Variants in KCNC1 observed in about 807,000 individuals in gnomAD.
KCNC1 encodes the protein potassium voltage-gated channel subfamily C member 1.
KCNC1 carries 8 observed loss-of-function variants against 43.4 expected under a neutral mutation model. That is an observed-to-expected ratio of 0.18 (90% CI 0.11 to 0.33). The LOEUF (loss-of-function observed/expected upper bound fraction) is 0.33. Among genes scored for constraint, KCNC1 ranks in the 10% least tolerant of loss-of-function variants. The pLI, the probability that KCNC1 is intolerant of heterozygous loss-of-function variation, is 1.00. For synonymous variants in KCNC1, 361 were observed against 360.5 expected, an observed-to-expected ratio of 1.00 and a Z score of -0.01; for missense variants, 420 against 836.0, an observed-to-expected ratio of 0.50 and a Z score of 6.14.
At chr11:17,759,037 A>C (rs957410228) in intron 1 of KCNC1, among the ~76,000 whole-genome samples, 1 of 152,262 alleles carries the variant, frequency 6.6e-6, no homozygotes, top group South Asian at 2.1e-4. Context: ...AGGCCGTTTA[A>C]TCTGCATTGA....
chr11:17,771,552 GGGGGCCTGGTGCT>G lies in KCNC1; in HGVS notation c.571-110_571-98del. 1.1e-6 allele frequency: 1 copy of G among 890,788 alleles called. No homozygotes were observed. The highest frequency in any genetic ancestry group is 1.7e-6 in the Non-Finnish European group (1 of 572,724). The allele number at this position is 890,788 out of a possible 1,614,324, so 55.2% of individuals were successfully genotyped here. On this transcript the variant is annotated intron_variant, in intron 1 of 3. Coordinates refer to ENST00000265969, the MANE Select transcript of KCNC1 (RefSeq NM_001112741.2). This position sits in a 1 kb window ranked among gnomAD's most constrained non-coding sequence, Gnocchi z 4.7. ...GGAGGGAAATGTAGCACGTGCTGCA[GGGGGCCTGGTGCT>G]GGCATCTCCCCCCGCCTGGCCCTGG... is the stretch of plus-strand genomic sequence containing the variant.
rs72869609 is a variant in KCNC1, at chr11:17,746,014, A to T, written c.570+9442A>T. Among the ~76,000 whole-genome samples, 466 of 152,332 alleles carry T rather than the reference A, an allele frequency of 3.1e-3. 2 individuals carry two copies. The highest frequency in any genetic ancestry group is 3.5e-3 in the Non-Finnish European group (236 of 68,032). On this transcript the variant is annotated intron_variant, in intron 1 of 3. Coordinates refer to ENST00000265969, the MANE Select transcript of KCNC1 (RefSeq NM_001112741.2). ...CAATTGCTCTGTCTCTAGAAGCTAG[A>T]GTAGGGCCTGGTACATAGTGGGTGC...
In KCNC1 at chr11:17,771,973, G is replaced by A. The variant is rs780487016; in HGVS notation, c.879G>A (p.Val293=). 2.5e-6 allele frequency: 4 copies of A among 1,614,210 alleles called. No individual in the cohort carries two copies. Among genetic ancestry groups the A allele is most frequent in the East Asian group, 2.2e-5 (1 of 44,890 alleles). ...FVAILPFYLE[V]GLSGLSSKAA... is the part of the protein sequence containing the mutation. ...CCATCCTGCCCTTCTACCTGGAGGT[G>A]GGGCTGAGCGGCCTGTCCTCCAAGG... Residue 293 remains valine (V), a synonymous_variant, in exon 2 of 4, where the codon GTG becomes GTA. Transcript: ENST00000265969. This position sits in a 1 kb window ranked among gnomAD's most constrained non-coding sequence, Gnocchi z 4.7.
chr11:17,740,034 A>T (rs1005295497), intron 1 of KCNC1, among the ~76,000 whole-genome samples: 4 of 152,152 alleles, frequency 2.6e-5, no homozygotes, highest in African/African-American at 9.7e-5. Context: ...GGCCACTGTC[A>T]GTGTGTGGGA....
intron 1 of KCNC1, among the ~76,000 whole-genome samples, chr11:17,755,354 A>G (rs73424004): frequency 0.17 from 26,301 of 152,036 alleles, 2,423 homozygotes; most frequent in African/African-American, 0.23. Flanking sequence ...CTGAGCAGAG[A>G]AATGACACAG....
chr11:17,746,271 C>T (rs1361642740), intron 1 of KCNC1, among the ~76,000 whole-genome samples: 1 of 152,238 alleles, frequency 6.6e-6, no homozygotes. Flanking sequence ...CTGCTGGTGT[C>T]ACCACCCAGG....
intron 1 of KCNC1, among the ~76,000 whole-genome samples, chr11:17,741,451 C>T (rs926424508): frequency 6.6e-6 from 1 of 152,094 alleles, no homozygotes; most frequent in African/African-American, 2.4e-5. Flanking sequence ...CATTTCCCCT[C>T]CTGTAGACTC....
In KCNC1 at chr11:17,782,509, A is replaced by T. The variant is rs187889439; in HGVS notation, c.*775A>T. 1.3e-5 allele frequency: 2 copies of T among 152,234 alleles called. No homozygotes were observed. The highest frequency in any genetic ancestry group is 2.9e-5 in the Non-Finnish European group (2 of 68,016). 9.4% of individuals were successfully genotyped at this position (152,234 alleles called of 1,614,324 possible). On this transcript the variant is annotated 3_prime_UTR_variant, in exon 4 of 4. Coordinates refer to ENST00000265969, the MANE Select transcript of KCNC1 (RefSeq NM_001112741.2). ...TCCAGTGTGACCAACTTTCATAACA[A>T]ATTGTTCATAGTAAATAATCACCAC...
chr11:17,779,760 GC>G lies in KCNC1; in HGVS notation c.1693+117del. On this transcript the variant is annotated intron_variant, in intron 3 of 3. Transcript: ENST00000265969. This position sits in a 1 kb window ranked among gnomAD's most constrained non-coding sequence, Gnocchi z 7.2. ...GGGGCAGGCAGGCACACCGAGGGGGGCAAGGATGGAGGGAATCTCCCAGGGT... is the reference window on the plus strand; with the variant it reads ...GGGGCAGGCAGGCACACCGAGGGGGGAAGGATGGAGGGAATCTCCCAGGGT... 2.4e-6 allele frequency: 2 copies of G among 829,436 alleles called. No homozygotes were observed. Among genetic ancestry groups the G allele is most frequent in the Admixed American group, 3.6e-5 (1 of 27,540 alleles). The allele number at this position is 829,436 out of a possible 1,614,324, so 51.4% of individuals were successfully genotyped here.
chr11:17,742,004 C>G lies in KCNC1; in HGVS notation c.570+5432C>G, dbSNP rs73422007. ...TTTCTAATAAAATGTTCATTAGCAG[C>G]CTTGTTTGATTTGGGCTCATCTCTC... On this transcript the variant is annotated intron_variant, in intron 1 of 3. Transcript: ENST00000265969. This position sits in a 1 kb window ranked among gnomAD's most constrained non-coding sequence, Gnocchi z 4.2. Among the ~76,000 whole-genome samples, 2 of 152,362 alleles carry G rather than the reference C, an allele frequency of 1.3e-5. No homozygotes were observed. Among genetic ancestry groups the G allele is most frequent in the African/African-American group, 4.8e-5 (2 of 41,576 alleles).
chr11:17,748,618 GAAAGAA>G (rs1848929195), intron 1 of KCNC1, among the ~76,000 whole-genome samples: 1 of 152,104 alleles, frequency 6.6e-6, no homozygotes, highest in Admixed American at 6.5e-5. Flanking sequence ...ATTTTTAAAA[GAAAGAA>G]AAATCCACCC....
chr11:17,782,065 GAAC>G lies in KCNC1; in HGVS notation c.*337_*339del, dbSNP rs1849351404. The G allele has an allele frequency of 3.4e-6, 1 of 290,110 alleles. No homozygotes were observed. Among genetic ancestry groups the G allele is most frequent in the Non-Finnish European group, 6.3e-6 (1 of 157,662 alleles). 18.0% of individuals were successfully genotyped at this position (290,110 alleles called of 1,614,324 possible). On this transcript the variant is annotated 3_prime_UTR_variant, in exon 4 of 4. Transcript: ENST00000265969. Reference sequence around the variant, plus strand: ...CCCCCTGCAACTGTATGATTACCCTGAACAACAATAATGAAAAGAAAAACATCA... The same window carrying G: ...CCCCCTGCAACTGTATGATTACCCTGAACAATAATGAAAAGAAAAACATCA...
rs200097310 is a variant in KCNC1 at position 17,736,494 on chromosome 11, G to A, written c.492G>A (p.Arg164=). The change falls in exon 1 of 4, where the codon CGG becomes CGA. Residue 164 remains arginine (R), a synonymous_variant. Transcript: ENST00000265969. The surrounding 1 kb of genome is among the most constrained non-coding windows in gnomAD (Gnocchi z 9.3). ...RLALSDSPDG[R]PGGFWRRWQP... is the part of the protein sequence containing the mutation. ...CGCTCAGTGACTCCCCGGATGGCCG[G>A]CCTGGCGGCTTTTGGCGCCGCTGGC... The A allele has an allele frequency of 1.3e-6, 2 of 1,593,570 alleles. No individual in the cohort carries two copies. Among genetic ancestry groups the A allele is most frequent in the African/African-American group, 2.7e-5 (2 of 74,548 alleles).
intron 2 of KCNC1, chr11:17,772,973 C>T (rs1250871779): frequency 2.7e-6 from 3 of 1,119,994 alleles, no homozygotes; most frequent in Admixed American, 9.1e-5. Flanking sequence ...GGTGTTGGGA[C>T]AGAGTGGGGG....
At chr11:17,747,739 G>A (rs1053504624) in intron 1 of KCNC1, among the ~76,000 whole-genome samples, 2 of 152,188 alleles carry the variant, frequency 1.3e-5, no homozygotes, top group African/African-American at 2.4e-5. Flanking sequence ...CTCAGTGTGA[G>A]CCATGGCAGC....
intron 1 of KCNC1, among the ~76,000 whole-genome samples, chr11:17,755,832 A>G (rs1426664893): frequency 6.6e-6 from 1 of 152,094 alleles, no homozygotes; most frequent in African/African-American, 2.4e-5. Context: ...TGTGCTGTTT[A>G]TGGGTATTTG....
chr11:17,780,672 C>CA (rs926520067), intron 3 of KCNC1: 4 of 152,326 alleles, frequency 2.6e-5, no homozygotes, highest in African/African-American at 2.4e-5. Context: ...TGGTCATTCA[C>CA]AACTGCTCCA....
chr11:17,758,279 C>G (rs781071505), intron 1 of KCNC1, among the ~76,000 whole-genome samples: 1 of 152,248 alleles, frequency 6.6e-6, no homozygotes, highest in South Asian at 2.1e-4. Flanking sequence ...CATCTTCAGG[C>G]TCTACTTCTA....
At position 17,777,071 on chromosome 11, in the gene KCNC1, G is replaced by A. The variant is rs942379790; in HGVS notation, c.1505-2385G>A. ...ATCCCTCCAGGGATCCCTGATGGAT[G>A]TTCCTTGTCCCCTGCCCAAAACCAT... On this transcript the variant is annotated intron_variant, in intron 2 of 3. Coordinates refer to ENST00000265969, the MANE Select transcript of KCNC1 (RefSeq NM_001112741.2). This position sits in a 1 kb window ranked among gnomAD's most constrained non-coding sequence, Gnocchi z 4.3. The A allele has an allele frequency of 1.6e-5, 16 of 985,076 alleles. No homozygotes were observed. In the African/African-American group the frequency reaches 2.3e-4, roughly 14 times the overall value. 61.0% of individuals were successfully genotyped at this position (985,076 alleles called of 1,614,324 possible).
Sources: allele counts gnomAD v4.1 joint callset (sites outside exome capture counted in the v4.1 genomes callset), GRCh38; gene constraint gnomAD v4.1.1; non-coding constraint Gnocchi (gnomAD v3.1); transcripts MANE v1.5; gene names NCBI Gene and HGNC (gene_info 2026-07-23, HGNC 2026-07-21).